Variants in RANBP2 observed in about 807,000 individuals in gnomAD.
The protein encoded by RANBP2 is RAN binding protein 2.
RANBP2 carries 57 observed loss-of-function variants against 303.6 expected under a neutral mutation model. That is an observed-to-expected ratio of 0.19 (90% CI 0.15 to 0.23). The LOEUF (loss-of-function observed/expected upper bound fraction) is 0.23. RANBP2 is among the 10% of genes least tolerant of loss of function. The pLI is 1.00. For missense variants in RANBP2, 3,138 were observed against 3,780.8 expected (o/e 0.83, Z 4.46); for synonymous variants, 1,167 against 1,301.5 (o/e 0.90, Z 2.23).
At chr2:109,230,989 A>G in the RANBP2 span, among the ~76,000 whole-genome samples, 1 of 152,242 alleles carries the variant, frequency 6.6e-6, no homozygotes, top group African/African-American at 2.4e-5. Flanking sequence ...GTGTAAGACA[A>G]AAGTACACTT....
chr2:109,064,396 C>T, the RANBP2 span, among the ~76,000 whole-genome samples: 2 of 129,504 alleles, frequency 1.5e-5, no homozygotes, highest in Non-Finnish European at 1.5e-5. Flanking sequence ...GCGGAGTTTG[C>T]AGTGAGCTGA....
At chr2:109,690,591 C>T in the RANBP2 span, among the ~76,000 whole-genome samples, 58 of 152,128 alleles carry the variant, frequency 3.8e-4, no homozygotes, top group African/African-American at 5.8e-4. Flanking sequence ...GCTCCTGGCA[C>T]GTGTGACAAA....
chr2:108,941,148 C>A, the RANBP2 span, among the ~76,000 whole-genome samples: 1 of 152,196 alleles, frequency 6.6e-6, no homozygotes, highest in Non-Finnish European at 1.5e-5. Context: ...GATGCGTCTG[C>A]GTTGTGGGAA....
At chr2:109,032,663 C>G in the RANBP2 span, among the ~76,000 whole-genome samples, 1 of 152,174 alleles carries the variant, frequency 6.6e-6, no homozygotes, top group Non-Finnish European at 1.5e-5. Flanking sequence ...TGGGATTTCA[C>G]AGTCGGGCCA....
At chr2:109,037,147 T>TCAAAA in the RANBP2 span, among the ~76,000 whole-genome samples, 3 of 151,168 alleles carry the variant, frequency 2.0e-5, no homozygotes, top group East Asian at 1.9e-4. Context: ...AGACCCTGTC[T>TCAAAA]CAAAACAAAA....
the RANBP2 span, among the ~76,000 whole-genome samples, chr2:109,659,352 G>A: frequency 6.6e-6 from 1 of 152,176 alleles, no homozygotes; most frequent in Non-Finnish European, 1.5e-5. Flanking sequence ...TCCAGCCTGG[G>A]TGACAGAGAT....
chr2:109,276,189 AC>A, the RANBP2 span, among the ~76,000 whole-genome samples: 1 of 152,160 alleles, frequency 6.6e-6, no homozygotes, highest in Admixed American at 6.5e-5. Flanking sequence ...CTGAGAAAAC[AC>A]CAGCGTTCTC....
the RANBP2 span, among the ~76,000 whole-genome samples, chr2:108,797,574 G>C: frequency 6.6e-6 from 1 of 152,046 alleles, no homozygotes; most frequent in Non-Finnish European, 1.5e-5. Flanking sequence ...GTTCAGATGG[G>C]GTGGGAGAGA....
the RANBP2 span, chr2:109,449,378 C>G: frequency 5.6e-6 from 9 of 1,611,202 alleles, no homozygotes; most frequent in Non-Finnish European, 4.2e-6. Context: ...CACCTCCCAA[C>G]GTCAGTGCCG....
chr2:109,287,177 G>T, the RANBP2 span, among the ~76,000 whole-genome samples: 1 of 152,324 alleles, frequency 6.6e-6, no homozygotes, highest in East Asian at 1.9e-4. Context: ...ATATGCCACA[G>T]AATTTTGCAT....
chr2:109,471,085 T>C, the RANBP2 span, among the ~76,000 whole-genome samples: 1 of 151,896 alleles, frequency 6.6e-6, no homozygotes, highest in South Asian at 2.1e-4. Flanking sequence ...TTGGGTGTGT[T>C]GGCAGGTGCC....
At chr2:109,468,079 A>G in the RANBP2 span, among the ~76,000 whole-genome samples, 191 of 152,358 alleles carry the variant, frequency 1.3e-3, no homozygotes, top group African/African-American at 3.9e-3. Flanking sequence ...AAAACTAGCT[A>G]GATACGGTCA....
chr2:109,646,530 C>T, the RANBP2 span, among the ~76,000 whole-genome samples: 4 of 151,688 alleles, frequency 2.6e-5, no homozygotes, highest in Admixed American at 6.6e-5. Context: ...CTTGCTCTGT[C>T]GCCCAGGCTG....
At chr2:109,669,222 A>G in the RANBP2 span, among the ~76,000 whole-genome samples, 823 of 152,352 alleles carry the variant, frequency 5.4e-3, 9 homozygotes, top group African/African-American at 0.018. Context: ...CCATGAAACT[A>G]CTAGAATAAA....
the RANBP2 span, among the ~76,000 whole-genome samples, chr2:109,671,681 A>G: frequency 6.6e-6 from 1 of 151,904 alleles, no homozygotes; most frequent in Admixed American, 6.6e-5. Flanking sequence ...TTTTTTGTTG[A>G]TGGTCTTGGA....
chr2:109,334,897 C>T, the RANBP2 span, among the ~76,000 whole-genome samples: 1 of 152,180 alleles, frequency 6.6e-6, no homozygotes, highest in Non-Finnish European at 1.5e-5. Context: ...TATTGAGAAG[C>T]CTTCTTTTTG....
chr2:108,754,920 G>C lies in RANBP2; in HGVS notation c.2218G>C (p.Glu740Gln). 1 of 1,611,690 alleles carries C rather than the reference G, an allele frequency of 6.2e-7. No homozygotes were observed. The highest frequency in any genetic ancestry group is 8.5e-7 in the Non-Finnish European group (1 of 1,179,778). The change falls in exon 16 of 29, where the codon GAG (glutamate) becomes CAG (glutamine). Residue 740 changes from glutamate to glutamine, a missense_variant. Physicochemically the swap from Glu to Gln is conservative, Grantham distance 29. This residue lies in a region of RANBP2 where 194 missense variants were observed against 197.4 expected (regional missense o/e 0.98). Transcript: ENST00000283195. ...TTATTTTTAGTTGCCTGTGCCCCTG[G>C]AGTCTGTAAAAGAGATGCTTAATTC... ...SVVKKLPVPL[E>Q]SVKEMLNSVM...
the RANBP2 span, chr2:108,812,755 AT>A: frequency 1.2e-6 from 2 of 1,610,362 alleles, no homozygotes; most frequent in South Asian, 2.2e-5. Flanking sequence ...TTTTTAGATG[AT>A]TACCTTTGAG....
At chr2:109,151,077 C>A in the RANBP2 span, among the ~76,000 whole-genome samples, 1 of 152,140 alleles carries the variant, frequency 6.6e-6, no homozygotes, top group African/African-American at 2.4e-5. Flanking sequence ...GCACAAAAGC[C>A]AACAGCCACA....
Sources: allele counts gnomAD v4.1 joint callset (sites outside exome capture counted in the v4.1 genomes callset), GRCh38; gene constraint gnomAD v4.1.1; regional missense constraint gnomAD v4.1.1; transcripts MANE v1.5; gene names NCBI Gene and HGNC (gene_info 2026-07-23, HGNC 2026-07-21).